The following CEP78 variants were observed in gnomAD, a reference collection of about 807,000 sequenced individuals.
CEP78 encodes centrosomal protein of 78 kDa.
A neutral mutation model predicts 81.2 loss-of-function variants in CEP78; 76 were observed. The ratio of observed to expected loss-of-function variants is 0.94; its 90% CI spans 0.78 to 1.13. The LOEUF is 1.13. CEP78 is among the 50% of genes most tolerant of loss of function. The pLI is 0.00. For synonymous variants in CEP78, 293 were observed against 301.4 expected, an observed-to-expected ratio of 0.97 and a Z score of 0.29; for missense variants, 918 against 846.8, an observed-to-expected ratio of 1.08 and a Z score of -1.04.
In CEP78 at chr9:78,262,964, G is replaced by A; in HGVS notation, c.1438G>A (p.Val480Ile). The A allele has an allele frequency of 6.5e-7, 1 of 1,543,354 alleles. No individual in the cohort carries two copies. The highest frequency in any genetic ancestry group is 8.7e-7 in the Non-Finnish European group (1 of 1,142,862). ...GGAAGAAAGAGTGATAAGGCTTAAG[G>A]TTGATAAACGAGTCAGTGAGGTAAA... ...LKEERVIRLKVDKRVSELEHE... is the reference protein window; with the variant it reads ...LKEERVIRLKIDKRVSELEHE... The change falls in exon 12 of 17, where the codon GTT becomes ATT. Residue 480 changes from valine to isoleucine, a missense_variant. By Grantham distance (29) the Val-to-Ile change is conservative (BLOSUM62 3). Coordinates refer to ENST00000643273, the MANE Select transcript of CEP78 (RefSeq NM_001330691.3).
At chr9:78,245,662 T>C (rs1014499920) in intron 5 of CEP78, among the ~76,000 whole-genome samples, 5 of 152,236 alleles carry the variant, frequency 3.3e-5, no homozygotes, top group South Asian at 2.1e-4. Context: ...GTGATAATCC[T>C]TTTGAGTTGA....
chr9:78,270,860 G>T lies in CEP78; in HGVS notation c.*9G>T. 1 of 690,514 alleles carries T rather than the reference G, an allele frequency of 1.4e-6. No homozygotes were observed. 42.8% of individuals were successfully genotyped at this position (690,514 alleles called of 1,614,324 possible). A position where few individuals can be genotyped will look rare whatever the true frequency, so the allele number is the denominator to read the frequency against. ...TTCTAGAATCCCATTGAAATGACTG[G>T]AGAAATATTAAAATAAAAATAATAG... On this transcript the variant is annotated 3_prime_UTR_variant, in exon 17 of 17. Coordinates refer to ENST00000643273, the MANE Select transcript of CEP78 (RefSeq NM_001330691.3).
Position 78,264,322 on chromosome 9 carries a change from T to TTAC in CEP78, c.1625+8_1625+10dup. ...GATCTCCTTAAAGATGCTGGGTTAG[T>TTAC]TACTTTCTCCCTATGACATTCGTCC... On this transcript the variant is annotated splice_region_variant and intron_variant, in intron 13 of 16. Coordinates refer to ENST00000643273, the MANE Select transcript of CEP78 (RefSeq NM_001330691.3). The TTAC allele has an allele frequency of 1.2e-6, 2 of 1,612,490 alleles. No individual in the cohort carries two copies. The highest frequency in any genetic ancestry group is 3.3e-5 in the Admixed American group (2 of 59,876).
chr9:78,260,468 G>A (rs1827223131), intron 11 of CEP78, among the ~76,000 whole-genome samples: 1 of 152,156 alleles, frequency 6.6e-6, no homozygotes, highest in African/African-American at 2.4e-5. Flanking sequence ...AGCACTTTGG[G>A]AGGCCAAGGC....
intron 8 of CEP78, among the ~76,000 whole-genome samples, chr9:78,250,725 C>T (rs1479059413): frequency 2.6e-5 from 4 of 152,072 alleles, no homozygotes; most frequent in South Asian, 2.1e-4. Flanking sequence ...GGCGACAGAG[C>T]GAGACTCTTG....
Position 78,272,468 on chromosome 9 carries a change from A to G in CEP78, c.*1617A>G, listed in dbSNP as rs1460859915. On this transcript the variant is annotated 3_prime_UTR_variant, in exon 17 of 17. Transcript: ENST00000643273. Reference sequence around the variant, plus strand: ...TCAGAAAAAGTCTAAATAAATACTAATGACATATGAAAACAAAGTCCAACC... The same window carrying G: ...TCAGAAAAAGTCTAAATAAATACTAGTGACATATGAAAACAAAGTCCAACC... 1.3e-5 allele frequency: 2 copies of G among 152,242 alleles called. No homozygotes were observed. Among genetic ancestry groups the G allele is most frequent in the South Asian group, 4.1e-4 (2 of 4,836 alleles). The allele number at this position is 152,242 out of a possible 1,614,324, so 9.4% of individuals were successfully genotyped here.
Position 78,246,789 on chromosome 9 carries a change from C to G in CEP78, c.892+7C>G. ...AGAAAAAATCCACTCATTGGTATGTCGCTACAATATTTTTTATTGACTAAC... is the reference window on the plus strand; with the variant it reads ...AGAAAAAATCCACTCATTGGTATGTGGCTACAATATTTTTTATTGACTAAC... On this transcript the variant is annotated splice_region_variant and intron_variant, in intron 6 of 16. Transcript: ENST00000643273. 1 of 1,466,082 alleles carries G rather than the reference C, an allele frequency of 6.8e-7. No homozygotes were observed. The highest frequency in any genetic ancestry group is 2.0e-5 in the Admixed American group (1 of 49,412). The allele number at this position is 1,466,082 out of a possible 1,614,324, so 90.8% of individuals were successfully genotyped here. A position where few individuals can be genotyped will look rare whatever the true frequency, so the allele number is the denominator to read the frequency against.
intron 10 of CEP78, 62 bp downstream of exon 10, chr9:78,253,339 C>T (rs1348885952): frequency 2.5e-6 from 2 of 792,198 alleles, no homozygotes; most frequent in African/African-American, 1.7e-5. Flanking sequence ...GAAGATCATT[C>T]TCTGTGCTCT....
rs766302868 is a variant in CEP78, at chr9:78,254,934, G to A, written c.1350G>A (p.Glu450=). Residue 450 remains glutamate, a synonymous_variant, in exon 11 of 17, where the codon GAG becomes GAA. Coordinates refer to ENST00000643273, the MANE Select transcript of CEP78 (RefSeq NM_001330691.3). ...CAGAGAGTGTTCATGAAGTGCCTGA[G>A]AAAACTAGTATAGAACAAGAAGCAT... ...DSSESVHEVP[E]KTSIEQEALQ... is the part of the protein sequence containing the mutation. 1 of 1,611,528 alleles carries A rather than the reference G, an allele frequency of 6.2e-7. No homozygotes were observed. Among genetic ancestry groups the A allele is most frequent in the Admixed American group, 1.7e-5 (1 of 59,944 alleles).
chr9:78,237,985 C>T (rs1056954851), intron 1 of CEP78, among the ~76,000 whole-genome samples: 5 of 143,572 alleles, frequency 3.5e-5, no homozygotes, highest in Non-Finnish European at 6.1e-5. Context: ...ATTAGCCGGG[C>T]GTGGTGGCGG....
At position 78,273,979 on chromosome 9, in the gene CEP78, T is replaced by C. The variant is rs1204191511; in HGVS notation, c.*3128T>C. 6.6e-6 allele frequency: 1 copy of C among 152,136 alleles called. No individual in the cohort carries two copies. Among genetic ancestry groups the C allele is most frequent in the East Asian group, 1.9e-4 (1 of 5,200 alleles). The allele number at this position is 152,136 out of a possible 1,614,324, so 9.4% of individuals were successfully genotyped here. On this transcript the variant is annotated 3_prime_UTR_variant, in exon 17 of 17. Coordinates refer to ENST00000643273, the MANE Select transcript of CEP78 (RefSeq NM_001330691.3). The stretch of plus-strand genomic sequence containing the variant: ...AAAATGACTCAGTCACTCAAAACAG[T>C]TTGGCAGATTCTTTAAATGCTAACA...
At chr9:78,265,606 G>A in intron 14 of CEP78, 63 bp downstream of exon 14, 1 of 1,415,832 alleles carries the variant, frequency 7.1e-7, no homozygotes, top group Non-Finnish European at 9.6e-7. Context: ...GAATTACTAA[G>A]TCAGAGAGAA....
Position 78,275,110 on chromosome 9 carries a change from C to T in CEP78, c.*4259C>T, listed in dbSNP as rs570337811. On this transcript the variant is annotated 3_prime_UTR_variant, in exon 17 of 17. Transcript: ENST00000643273. ...ATTAGGAATAATTTTAGAAGGATACCTACAACTAGAAGAGATATTTTTAAT... is the reference window on the plus strand; with the variant it reads ...ATTAGGAATAATTTTAGAAGGATACTTACAACTAGAAGAGATATTTTTAAT... 1.8e-4 allele frequency: 27 copies of T among 151,900 alleles called. No homozygotes were observed. Among genetic ancestry groups the T allele is most frequent in the African/African-American group, 6.5e-4 (27 of 41,440 alleles). The allele number at this position is 151,900 out of a possible 1,614,324, so 9.4% of individuals were successfully genotyped here.
At chr9:78,241,855 TATTTTG>T in intron 4 of CEP78, 56 bp downstream of exon 4, 1 of 966,986 alleles carries the variant, frequency 1.0e-6, no homozygotes, top group South Asian at 1.4e-5. Context: ...CACACGTTAA[TATTTTG>T]ATACAAGACA....
At chr9:78,251,215 A>G (rs1007879014) in intron 8 of CEP78, among the ~76,000 whole-genome samples, 1 of 152,192 alleles carries the variant, frequency 6.6e-6, no homozygotes, top group African/African-American at 2.4e-5. Flanking sequence ...TCTATTATCC[A>G]GTAGGTTTCA....
At position 78,248,809 on chromosome 9, in the gene CEP78, T is replaced by C; in HGVS notation, c.1005T>C (p.Ala335=). 3 of 1,600,034 alleles carry C rather than the reference T, an allele frequency of 1.9e-6. No individual in the cohort carries two copies. The highest frequency in any genetic ancestry group is 2.6e-6 in the Non-Finnish European group (3 of 1,173,904). The part of the protein sequence containing the change: ...SPSVKEPSKT[A]KQKRRTIILG... Reference sequence around the variant, plus strand: ...CAGTGAAGGAACCATCCAAAACTGCTAAACAGAAAAGGAGAACTATAATTC... The same window carrying C: ...CAGTGAAGGAACCATCCAAAACTGCCAAACAGAAAAGGAGAACTATAATTC... Residue 335 remains alanine (A), a synonymous_variant, in exon 8 of 17, where the codon GCT becomes GCC. Transcript: ENST00000643273.
chr9:78,250,390 CT>C, intron 8 of CEP78: 1 of 394,286 alleles, frequency 2.5e-6, no homozygotes, highest in Non-Finnish European at 4.5e-6. Flanking sequence ...AGATAGGAAA[CT>C]TTATAATTTT....
At position 78,262,562 on chromosome 9, in the gene CEP78, A is replaced by C. The variant is rs181845202; in HGVS notation, c.1381-345A>C. Among the ~76,000 whole-genome samples, 158 of 152,238 alleles carry C rather than the reference A, an allele frequency of 1.0e-3. 1 individual carries two copies. Among genetic ancestry groups the C allele is most frequent in the African/African-American group, 3.5e-3 (144 of 41,550 alleles). On this transcript the variant is annotated intron_variant, in intron 11 of 16. Transcript: ENST00000643273. ...TAATTCAGGTGTGTTAAGTGTGTTA[A>C]TAGGGCTTCCTATTATAAGGGATCC...
At chr9:78,259,366 G>T (rs1827175331) in intron 11 of CEP78, among the ~76,000 whole-genome samples, 1 of 152,172 alleles carries the variant, frequency 6.6e-6, no homozygotes, top group South Asian at 2.1e-4. Context: ...ATGAGTAGAA[G>T]ATATGGGGGA....
Sources: allele counts gnomAD v4.1 joint callset (sites outside exome capture counted in the v4.1 genomes callset), GRCh38; gene constraint gnomAD v4.1.1; transcripts MANE v1.5; gene names NCBI Gene and HGNC (gene_info 2026-07-23, HGNC 2026-07-21).